Variants in DNAJC11 observed in about 807,000 individuals in gnomAD.
DNAJC11 encodes dnaJ homolog subfamily C member 11.
Under a neutral mutation model 78.6 loss-of-function variants are expected in DNAJC11, and 15 were observed. That is an observed-to-expected ratio of 0.19 (90% CI 0.13 to 0.29). The LOEUF (loss-of-function observed/expected upper bound fraction) is 0.29, where lower values mean the gene tolerates loss of function less well. Ranked by LOEUF, DNAJC11 falls within the 10% of genes least tolerant of loss-of-function variation. The pLI, the probability that DNAJC11 is intolerant of heterozygous loss-of-function variation, is 1.00. For synonymous variants in DNAJC11, 292 were observed against 272.1 expected, an observed-to-expected ratio of 1.07 and a Z score of -0.72; for missense variants, 547 against 709.6, an observed-to-expected ratio of 0.77 and a Z score of 2.60.
In DNAJC11 at chr1:6,701,733, C is replaced by G. The variant is rs1211875655; in HGVS notation, c.68G>C (p.Arg23Thr). 27 of 1,559,570 alleles carry G rather than the reference C, an allele frequency of 1.7e-5. No individual in the cohort carries two copies. Among genetic ancestry groups the G allele is most frequent in the Non-Finnish European group, 2.1e-5 (24 of 1,156,084 alleles). The part of the protein sequence containing the change: ...EDYYSLLNVR[R>T]EASSEELKAA... Reference sequence around the variant, plus strand: ...GCGTCCAGCCGCTGGCCTCACCTCCCTGCGCACGTTCAGCAACGAGTAATA... The same window carrying G: ...GCGTCCAGCCGCTGGCCTCACCTCCGTGCGCACGTTCAGCAACGAGTAATA... Residue 23 changes from arginine (R) to threonine (T), a missense_variant, in exon 1 of 16, where the codon AGG becomes ACG. Physicochemically the swap from Arg to Thr is moderately conservative, Grantham distance 71. Transcript: ENST00000377577.
intron 14 of DNAJC11, 104 bp from the exon 15 acceptor site, chr1:6,636,350 TG>T (rs1303151091): frequency 2.0e-6 from 3 of 1,470,564 alleles, no homozygotes; most frequent in South Asian, 1.3e-5. Context: ...TGACATTCCC[TG>T]GGGAGATGCA....
At chr1:6,673,012 A>G (rs1642404374) in intron 3 of DNAJC11, among the ~76,000 whole-genome samples, 1 of 152,024 alleles carries the variant, frequency 6.6e-6, no homozygotes, top group Non-Finnish European at 1.5e-5. Flanking sequence ...CCTGGCCAAC[A>G]TGGCAAAACC....
At chr1:6,673,231 C>T (rs983450875) in intron 3 of DNAJC11, among the ~76,000 whole-genome samples, 1 of 119,676 alleles carries the variant, frequency 8.4e-6, no homozygotes, top group Non-Finnish European at 1.8e-5. Context: ...GAAAAGAAAA[C>T]CGACTCAGCC....
chr1:6,643,527 G>A (rs953624363), intron 10 of DNAJC11, among the ~76,000 whole-genome samples: 3 of 152,022 alleles, frequency 2.0e-5, no homozygotes, highest in African/African-American at 7.2e-5. Context: ...TGCCCGCCTT[G>A]GCCTCCCAAA....
intron 10 of DNAJC11, among the ~76,000 whole-genome samples, chr1:6,641,021 C>T (rs111811899): frequency 2.6e-5 from 4 of 152,230 alleles, no homozygotes; most frequent in African/African-American, 4.8e-5. Context: ...TAGCCACTGA[C>T]AATACCTGAT....
At chr1:6,682,757 A>C (rs566604464) in intron 1 of DNAJC11, among the ~76,000 whole-genome samples, 2 of 152,174 alleles carry the variant, frequency 1.3e-5, no homozygotes, top group African/African-American at 4.8e-5. Context: ...GCGAAACCCC[A>C]TATCTACCCA....
intron 1 of DNAJC11, among the ~76,000 whole-genome samples, chr1:6,701,217 A>C (rs913637530): frequency 1.3e-5 from 2 of 152,082 alleles, no homozygotes; most frequent in Non-Finnish European, 2.9e-5. Flanking sequence ...CTGAGGCTGG[A>C]CCCACTTCAG....
chr1:6,701,102 C>T (rs958918277), intron 1 of DNAJC11, among the ~76,000 whole-genome samples: 3 of 152,158 alleles, frequency 2.0e-5, no homozygotes, highest in Non-Finnish European at 4.4e-5. Flanking sequence ...AGGGCTTCTT[C>T]CTAATCTGCA....
intron 4 of DNAJC11, among the ~76,000 whole-genome samples, chr1:6,654,456 C>T (rs1282238582): frequency 1.3e-5 from 2 of 152,040 alleles, no homozygotes; most frequent in Non-Finnish European, 2.9e-5. Flanking sequence ...CAAAACTACC[C>T]TAAAACTCTT....
chr1:6,697,550 ATGCT>A (rs1020262703), intron 1 of DNAJC11, among the ~76,000 whole-genome samples: 1 of 152,116 alleles, frequency 6.6e-6, no homozygotes, highest in Non-Finnish European at 1.5e-5. Context: ...TCAGGCGGTG[ATGCT>A]TGCTTGCCCG....
At chr1:6,641,031 T>C (rs1641867146) in intron 10 of DNAJC11, among the ~76,000 whole-genome samples, 1 of 152,022 alleles carries the variant, frequency 6.6e-6, no homozygotes, top group Admixed American at 6.6e-5. Flanking sequence ...CAATACCTGA[T>C]CACACTCTTC....
chr1:6,644,736 C>A, intron 9 of DNAJC11, 62 bp from the exon 10 acceptor site: 1 of 1,438,296 alleles, frequency 7.0e-7, no homozygotes, highest in Non-Finnish European at 9.8e-7. Context: ...GGGCAGCTGT[C>A]ATTTGAGAAG....
At chr1:6,659,225 G>GAATGTCTTCAACTCCTACT (rs534288450) in intron 4 of DNAJC11, among the ~76,000 whole-genome samples, 2 of 152,086 alleles carry the variant, frequency 1.3e-5, no homozygotes, top group East Asian at 1.9e-4. Context: ...TGGGGAAATG[G>GAATGTCTTCAACTCCTACT]AATGTCTTCA....
intron 1 of DNAJC11, among the ~76,000 whole-genome samples, chr1:6,699,056 G>A (rs949066237): frequency 1.2e-4 from 17 of 147,292 alleles, no homozygotes; most frequent in African/African-American, 2.8e-4. Flanking sequence ...CTGTAATCCC[G>A]GCACTTTGGG....
chr1:6,663,376 C>T (rs1177661065), intron 4 of DNAJC11, among the ~76,000 whole-genome samples: 5 of 152,152 alleles, frequency 3.3e-5, no homozygotes, highest in East Asian at 1.9e-4. Context: ...GCAATGAAGT[C>T]GGACAAGCTG....
chr1:6,641,758 C>T (rs1308784433), intron 10 of DNAJC11, among the ~76,000 whole-genome samples: 2 of 152,160 alleles, frequency 1.3e-5, no homozygotes, highest in Non-Finnish European at 2.9e-5. Flanking sequence ...GTTTCCAAAA[C>T]TGAGCTGTGA....
intron 3 of DNAJC11, among the ~76,000 whole-genome samples, chr1:6,676,671 G>A (rs1285007258): frequency 8.6e-5 from 13 of 151,434 alleles, no homozygotes; most frequent in East Asian, 4.0e-4. Context: ...CAGAGCACGC[G>A]CGCACTCTCT....
chr1:6,651,145 G>A (rs756367840), intron 7 of DNAJC11: 1 of 540,516 alleles, frequency 1.9e-6, no homozygotes, highest in East Asian at 5.3e-5. Flanking sequence ...TCTGGCATAT[G>A]TCAATCAACC....
At position 6,637,310 on chromosome 1, in the gene DNAJC11, T is replaced by C. The variant is rs1187633934; in HGVS notation, c.1412A>G (p.Lys471Arg). 2.4e-5 allele frequency: 38 copies of C among 1,614,072 alleles called. No homozygotes were observed. The Admixed American group carries it at 6.3e-4, about 27-fold the overall frequency. Residue 471 changes from lysine to arginine, a missense_variant, in exon 14 of 16, where the codon AAG becomes AGG. Lys to Arg is a conservative substitution (Grantham distance 26, BLOSUM62 2). Transcript: ENST00000377577. ...CTTCCTGCTCTTGTCATTGACAAAC[T>C]TCCCGTACCAGGCATTGACGATGAT... Reference protein sequence around the residue: ...GLIIVNAWYGKFVNDKSRKSE... With the variant: ...GLIIVNAWYGRFVNDKSRKSE...
Sources: gnomAD v4.1 joint callset for allele counts (sites outside exome capture counted in the v4.1 genomes callset) on GRCh38, gnomAD v4.1.1 for gene constraint, MANE v1.5 for transcripts, NCBI Gene and HGNC (gene_info 2026-07-23, HGNC 2026-07-21) for gene names.